Variants in SNRPN observed in about 807,000 individuals in gnomAD.
The protein encoded by SNRPN is small nuclear ribonucleoprotein-associated protein N.
A neutral mutation model predicts 25.2 loss-of-function variants in SNRPN; 7 were observed. That is an observed-to-expected ratio of 0.28 (90% CI 0.16 to 0.52). The LOEUF (loss-of-function observed/expected upper bound fraction) is 0.52, where lower values mean the gene tolerates loss of function less well. Ranked by LOEUF, SNRPN falls within the 20% of genes least tolerant of loss-of-function variation. SNRPN has a pLI of 0.96. For missense variants in SNRPN, 196 were observed against 322.5 expected, an observed-to-expected ratio of 0.61 and a Z score of 3.00; for synonymous variants, 124 against 110.6, an observed-to-expected ratio of 1.12 and a Z score of -0.76.
intron 1 of SNRPN, chr15:24,829,675 A>G (rs1023046619): frequency 6.6e-6 from 1 of 152,318 alleles, no homozygotes; most frequent in African/African-American, 2.4e-5. Context: ...ACCAGTCAGA[A>G]CAGGTGAGGG....
At position 24,978,387 on chromosome 15, in the gene SNRPN, T is replaced by G. The variant is rs763635758; in HGVS notation, c.686-20T>G. ...AATATGTGTATCCTCTTTTTCTCAA[T>G]GTTTCTATTTCCTTTCCAGGTCCAC... On this transcript the variant is annotated intron_variant, in intron 9 of 9. Coordinates refer to ENST00000390687, the MANE Select transcript of SNRPN (RefSeq NM_003097.6). The G allele has an allele frequency of 6.2e-7, 1 of 1,614,080 alleles. No individual in the cohort carries two copies. Among genetic ancestry groups the G allele is most frequent in the South Asian group, 1.1e-5 (1 of 91,078 alleles).
intron 2 of SNRPN, among the ~76,000 whole-genome samples, chr15:24,907,458 C>A (rs893178988): frequency 6.6e-6 from 1 of 151,898 alleles, no homozygotes; most frequent in African/African-American, 2.4e-5. Context: ...ATTAGCCAGG[C>A]GTGGTGGCGG....
At chr15:24,948,019 C>T (rs1274683014) in intron 3 of SNRPN, among the ~76,000 whole-genome samples, 1 of 152,028 alleles carries the variant, frequency 6.6e-6, no homozygotes, top group Non-Finnish European at 1.5e-5. Context: ...CATAGGTATA[C>T]ATGTGCCATG....
chr15:24,924,923 C>T (rs996987253), intron 3 of SNRPN, among the ~76,000 whole-genome samples: 3 of 152,138 alleles, frequency 2.0e-5, no homozygotes, highest in East Asian at 1.9e-4. Flanking sequence ...CACCCAGCCA[C>T]GTGAAAACTG....
At chr15:24,865,836 T>C (rs1397967824) in intron 1 of SNRPN, among the ~76,000 whole-genome samples, 2 of 152,144 alleles carry the variant, frequency 1.3e-5, no homozygotes, top group Admixed American at 1.3e-4. Flanking sequence ...AAGAGACAGA[T>C]GATAACGAGG....
chr15:24,828,588 G>A (rs769670087), intron 1 of SNRPN, among the ~76,000 whole-genome samples: 14 of 152,050 alleles, frequency 9.2e-5, no homozygotes, highest in Non-Finnish European at 1.9e-4. Context: ...ATAAACATAC[G>A]CTAAAAATTT....
intron 3 of SNRPN, among the ~76,000 whole-genome samples, chr15:24,945,634 A>T (rs765431677): frequency 6.6e-6 from 1 of 152,116 alleles, no homozygotes; most frequent in Non-Finnish European, 1.5e-5. Flanking sequence ...AAACATAGGC[A>T]TGGTAAGAAT....
At chr15:24,882,538 T>G (rs12592006) in intron 1 of SNRPN, among the ~76,000 whole-genome samples, 21,720 of 151,944 alleles carry the variant, frequency 0.14, 1,814 homozygotes, top group Admixed American at 0.24. Context: ...TGAAAGTATC[T>G]TAAGTTGGCC....
chr15:24,891,225 A>G (rs572372504), intron 2 of SNRPN, among the ~76,000 whole-genome samples: 3 of 152,286 alleles, frequency 2.0e-5, no homozygotes, highest in East Asian at 1.9e-4. Flanking sequence ...CAAGGTCTCA[A>G]AATGGCATTT....
chr15:24,952,302 G>C (rs1414220126), upstream of SNRPN, among the ~76,000 whole-genome samples: 2 of 152,136 alleles, frequency 1.3e-5, no homozygotes, highest in Non-Finnish European at 2.9e-5. Context: ...GTACAGAATA[G>C]TTTTATTGCA....
intron 2 of SNRPN, among the ~76,000 whole-genome samples, chr15:24,895,794 T>C (rs1340533227): frequency 6.6e-6 from 1 of 152,208 alleles, no homozygotes; most frequent in East Asian, 1.9e-4. Context: ...ACTCTTAGCC[T>C]TCCTGAATAT....
intron 1 of SNRPN, among the ~76,000 whole-genome samples, chr15:24,860,259 T>C (rs1189626678): frequency 6.6e-6 from 1 of 152,206 alleles, no homozygotes; most frequent in African/African-American, 2.4e-5. Flanking sequence ...CCTCTTTCAT[T>C]CTTTTATTGT....
intron 2 of SNRPN, chr15:24,911,132 G>C: frequency 1.0e-6 from 1 of 968,132 alleles, no homozygotes; most frequent in Non-Finnish European, 1.5e-6. Context: ...GCATGTTCTT[G>C]TGGGTAGGTC....
intron 3 of SNRPN, among the ~76,000 whole-genome samples, chr15:24,923,503 A>G (rs181865530): frequency 2.0e-5 from 3 of 152,324 alleles, no homozygotes; most frequent in Non-Finnish European, 2.9e-5. Flanking sequence ...GTACATGCAC[A>G]GTTGATGAAA....
At chr15:24,910,955 A>G in intron 2 of SNRPN, 1 of 882,754 alleles carries the variant, frequency 1.1e-6, no homozygotes, top group South Asian at 1.4e-5. Flanking sequence ...TGCAGCAGCC[A>G]ACACCCAAAA....
At chr15:24,968,627 T>G (rs1490294226) in intron 3 of SNRPN, among the ~76,000 whole-genome samples, 3 of 152,170 alleles carry the variant, frequency 2.0e-5, no homozygotes, top group Non-Finnish European at 4.4e-5. Flanking sequence ...AGCATTATTT[T>G]AATTCAAATA....
At chr15:24,880,079 C>T (rs1409664286) in intron 1 of SNRPN, among the ~76,000 whole-genome samples, 1 of 152,096 alleles carries the variant, frequency 6.6e-6, no homozygotes, top group Non-Finnish European at 1.5e-5. Flanking sequence ...CTGGGGTAGG[C>T]GGTCAGAGGA....
At chr15:24,922,889 C>CTTTTT (rs1566915791) in intron 3 of SNRPN, among the ~76,000 whole-genome samples, 14 of 34,562 alleles carry the variant, frequency 4.1e-4, no homozygotes, top group African/African-American at 5.1e-4. Context: ...GTAGGCAGAT[C>CTTTTT]CTTTTTTTTT....
At chr15:24,969,583 A>G (rs1287982537) in intron 3 of SNRPN, among the ~76,000 whole-genome samples, 1 of 151,988 alleles carries the variant, frequency 6.6e-6, no homozygotes, top group Non-Finnish European at 1.5e-5. Flanking sequence ...TTTTCATTGA[A>G]TAGGTGTGCA....
Sources: allele counts gnomAD v4.1 joint callset (sites outside exome capture counted in the v4.1 genomes callset), GRCh38; gene constraint gnomAD v4.1.1; transcripts MANE v1.5; gene names NCBI Gene and HGNC (gene_info 2026-07-23, HGNC 2026-07-21).